The following ATG5 variants were observed in gnomAD, a reference collection of about 807,000 sequenced individuals.
ATG5 encodes autophagy related 5.
A neutral mutation model predicts 36.5 loss-of-function variants in ATG5; 14 were observed. The observed-to-expected ratio is 0.38, with a 90% CI of 0.25 to 0.60. The LOEUF (loss-of-function observed/expected upper bound fraction) is 0.60, where lower values mean the gene tolerates loss of function less well. Ranked by LOEUF, ATG5 falls within the 20% of genes least tolerant of loss-of-function variation. ATG5 has a pLI of 0.60. For synonymous variants in ATG5, 95 were observed against 101.5 expected, an observed-to-expected ratio of 0.94 and a Z score of 0.38; for missense variants, 195 against 326.7, an observed-to-expected ratio of 0.60 and a Z score of 3.11.
chr6:106,300,277 A>G (rs527279892), intron 3 of ATG5, among the ~76,000 whole-genome samples: 2 of 152,316 alleles, frequency 1.3e-5, no homozygotes, highest in Middle Eastern at 3.4e-3. Flanking sequence ...AATCTCCTGC[A>G]TAAATGGGTT....
At chr6:106,257,953 C>T (rs1778862122) in intron 5 of ATG5, among the ~76,000 whole-genome samples, 1 of 152,284 alleles carries the variant, frequency 6.6e-6, no homozygotes, top group South Asian at 2.1e-4. Flanking sequence ...AATTGAGTAA[C>T]AGGAGCTGTA....
intron 5 of ATG5, among the ~76,000 whole-genome samples, chr6:106,265,785 G>A (rs1324758900): frequency 6.6e-6 from 1 of 152,114 alleles, no homozygotes; most frequent in African/African-American, 2.4e-5. Flanking sequence ...ATAAAGAAGT[G>A]CTTTGAAATC....
At chr6:106,302,509 C>A (rs1385583069) in intron 3 of ATG5, among the ~76,000 whole-genome samples, 1 of 151,850 alleles carries the variant, frequency 6.6e-6, no homozygotes, top group Non-Finnish European at 1.5e-5. Context: ...AGCAGGAAGA[C>A]AAATTAAGAG....
intron 2 of ATG5, 31 bp downstream of exon 2, chr6:106,316,070 A>G (rs1210529033): frequency 6.5e-7 from 1 of 1,539,966 alleles, no homozygotes; most frequent in South Asian, 1.2e-5. Context: ...ACAAGGTTAA[A>G]TATCCCATTT....
intron 6 of ATG5, among the ~76,000 whole-genome samples, chr6:106,217,772 G>A (rs975597708): frequency 6.6e-6 from 1 of 152,096 alleles, no homozygotes; most frequent in African/African-American, 2.4e-5. Flanking sequence ...TATTTACAAT[G>A]TAAGTACCTA....
intron 1 of ATG5, among the ~76,000 whole-genome samples, chr6:106,318,796 G>A (rs1770958370): frequency 6.6e-6 from 1 of 152,160 alleles, no homozygotes; most frequent in Admixed American, 6.5e-5. Flanking sequence ...ATCTTAAAAT[G>A]TTAATCTTTC....
intron 5 of ATG5, among the ~76,000 whole-genome samples, chr6:106,266,924 C>T (rs1287694728): frequency 3.9e-5 from 6 of 152,140 alleles, no homozygotes; most frequent in African/African-American, 9.7e-5. Context: ...TGGAAGCATT[C>T]CCTTTGAAAA....
intron 6 of ATG5, among the ~76,000 whole-genome samples, chr6:106,207,420 A>G (rs1227788710): frequency 6.6e-6 from 1 of 152,122 alleles, no homozygotes; most frequent in African/African-American, 2.4e-5. Flanking sequence ...TTACAGCTAT[A>G]TTGTAAATGG....
intron 1 of ATG5, among the ~76,000 whole-genome samples, chr6:106,321,883 C>T (rs1032458330): frequency 7.9e-5 from 12 of 152,082 alleles, no homozygotes; most frequent in Admixed American, 1.3e-4. Flanking sequence ...ACAGTTAGCA[C>T]ATAGTAGGCT....
chr6:106,191,359 TTA>T lies in ATG5; in HGVS notation c.692-4685_692-4684del, dbSNP rs1237634369. 7.2e-5 allele frequency among the ~76,000 whole-genome samples: 11 copies of T among 152,174 alleles called. No individual in the cohort carries two copies. In the East Asian group the frequency reaches 1.9e-3, roughly 27 times the overall value. Reference sequence around the variant, plus strand: ...CATCTCCTAAGTTCTGCTTGCTGATTTATAACCCATGATAGCTTCTCATTTAA... The same window carrying T: ...CATCTCCTAAGTTCTGCTTGCTGATTTAACCCATGATAGCTTCTCATTTAA... On this transcript the variant is annotated intron_variant, in intron 7 of 7. Coordinates refer to ENST00000369076, the MANE Select transcript of ATG5 (RefSeq NM_004849.4).
At chr6:106,201,275 A>ATGTGTGTGTGTG (rs138478446) in intron 7 of ATG5, among the ~76,000 whole-genome samples, 138 of 149,318 alleles carry the variant, frequency 9.2e-4, no homozygotes, top group Non-Finnish European at 1.3e-3. Flanking sequence ...TCAAGTGTAT[A>ATGTGTGTGTGTG]TGTGTGTGTG....
At chr6:106,307,168 C>T (rs1770478123) in intron 3 of ATG5, among the ~76,000 whole-genome samples, 1 of 152,190 alleles carries the variant, frequency 6.6e-6, no homozygotes, top group African/African-American at 2.4e-5. Context: ...TTCACATCAG[C>T]TGCATTTATT....
chr6:106,296,148 A>C (rs1769921634), intron 3 of ATG5, among the ~76,000 whole-genome samples: 1 of 152,070 alleles, frequency 6.6e-6, no homozygotes. Flanking sequence ...CAACTATTTT[A>C]ATGATTGACA....
chr6:106,294,736 A>G (rs182574329), intron 3 of ATG5, among the ~76,000 whole-genome samples: 2 of 151,370 alleles, frequency 1.3e-5, no homozygotes, highest in East Asian at 3.9e-4. Flanking sequence ...CTAGCTACTC[A>G]GGAGGCTGAG....
chr6:106,303,715 A>C (rs1483880764), intron 3 of ATG5, among the ~76,000 whole-genome samples: 1 of 152,208 alleles, frequency 6.6e-6, no homozygotes, highest in Non-Finnish European at 1.5e-5. Flanking sequence ...TCCGTGACCA[A>C]ATAAGATTTA....
intron 6 of ATG5, among the ~76,000 whole-genome samples, chr6:106,225,739 C>T (rs897288011): frequency 1.3e-5 from 2 of 152,014 alleles, no homozygotes; most frequent in African/African-American, 4.8e-5. Flanking sequence ...GAAAAACCTC[C>T]CTCATAGGAC....
At chr6:106,258,591 G>A (rs1778893605) in intron 5 of ATG5, among the ~76,000 whole-genome samples, 1 of 152,144 alleles carries the variant, frequency 6.6e-6, no homozygotes, top group African/African-American at 2.4e-5. Flanking sequence ...TTGTAGAGAG[G>A]AGAAAATTGC....
chr6:106,199,129 A>G (rs1429013675), intron 7 of ATG5, among the ~76,000 whole-genome samples: 1 of 152,210 alleles, frequency 6.6e-6, no homozygotes, highest in Non-Finnish European at 1.5e-5. Context: ...TGAGACTGTA[A>G]AATGGTACAG....
rs1219794619 is a variant in ATG5 at position 106,294,845 on chromosome 6, G to GAAAAAAAAAAAAA, written c.237-1752_237-1740dup. The stretch of plus-strand genomic sequence containing the variant: ...ACGACAGAGTGAGACCTTTTCTCAA[G>GAAAAAAAAAAAAA]AAAAAAAAAAAAAAAAGAATTTAGG... On this transcript the variant is annotated intron_variant, in intron 3 of 7. Transcript: ENST00000369076. 3.7e-3 allele frequency among the ~76,000 whole-genome samples: 321 copies of GAAAAAAAAAAAAA among 85,870 alleles called. 9 individuals carry two copies. The highest frequency in any genetic ancestry group is 0.013 in the Middle Eastern group (2 of 150). The allele number at this position is 85,870 out of a possible 152,430, so 56.3% of individuals were successfully genotyped here.
Sources: gnomAD v4.1 joint callset for allele counts (sites outside exome capture counted in the v4.1 genomes callset) on GRCh38, gnomAD v4.1.1 for gene constraint, MANE v1.5 for transcripts, NCBI Gene and HGNC (gene_info 2026-07-23, HGNC 2026-07-21) for gene names.